APP: variants seen among roughly 807,000 people sequenced by gnomAD.
APP encodes the protein amyloid beta precursor protein.
A neutral mutation model predicts 101.4 loss-of-function variants in APP; 31 were observed. The ratio of observed to expected loss-of-function variants is 0.31; its 90% CI spans 0.23 to 0.41. The LOEUF (loss-of-function observed/expected upper bound fraction) is 0.41, where lower values mean the gene tolerates loss of function less well. APP is among the 10% of genes least tolerant of loss of function. APP has a pLI of 1.00. For synonymous variants in APP, 366 were observed against 364.4 expected, an observed-to-expected ratio of 1.00 and a Z score of -0.05; for missense variants, 839 against 1,003.7, an observed-to-expected ratio of 0.84 and a Z score of 2.22.
At chr21:26,149,321 A>G (rs1417407285) in intron 1 of APP, among the ~76,000 whole-genome samples, 1 of 152,246 alleles carries the variant, frequency 6.6e-6, no homozygotes, top group African/African-American at 2.4e-5. Flanking sequence ...TGGGGATAAC[A>G]GTAGGTACCT....
chr21:26,093,507 ATC>A (rs2061871336), intron 2 of APP, among the ~76,000 whole-genome samples: 1 of 152,206 alleles, frequency 6.6e-6, no homozygotes, highest in Non-Finnish European at 1.5e-5. Flanking sequence ...GGAGAAAAGG[ATC>A]TCTTTTTCAT....
At chr21:26,110,511 C>T (rs897569728) in intron 2 of APP, among the ~76,000 whole-genome samples, 1 of 151,920 alleles carries the variant, frequency 6.6e-6, no homozygotes, top group African/African-American at 2.4e-5. Flanking sequence ...TTCCACTATT[C>T]ATCATTTCAC....
At chr21:26,149,327 TACC>T (rs2063215424) in intron 1 of APP, among the ~76,000 whole-genome samples, 1 of 152,198 alleles carries the variant, frequency 6.6e-6, no homozygotes, top group African/African-American at 2.4e-5. Context: ...TAACAGTAGG[TACC>T]TCACAGGCTG....
intron 13 of APP, among the ~76,000 whole-genome samples, chr21:25,932,956 C>T (rs1471417045): frequency 1.3e-5 from 2 of 152,014 alleles, no homozygotes; most frequent in Non-Finnish European, 2.9e-5. Context: ...GCTCCAACAT[C>T]GTTTTTTACA....
At chr21:26,050,700 C>T (rs546186287) in intron 5 of APP, among the ~76,000 whole-genome samples, 2 of 152,186 alleles carry the variant, frequency 1.3e-5, no homozygotes, top group African/African-American at 2.4e-5. Context: ...CAAAACAGAA[C>T]GCCATTATTA....
At chr21:26,054,104 T>C (rs2045942964) in intron 3 of APP, among the ~76,000 whole-genome samples, 1 of 152,212 alleles carries the variant, frequency 6.6e-6, no homozygotes, top group Non-Finnish European at 1.5e-5. Flanking sequence ...TAGCACAGAT[T>C]CTTGCACATA....
chr21:25,966,695 G>A (rs540115584), intron 11 of APP, among the ~76,000 whole-genome samples: 8 of 152,256 alleles, frequency 5.3e-5, no homozygotes, highest in East Asian at 3.9e-4. Flanking sequence ...CTTTTGCAAC[G>A]AAAAGTGATG....
At chr21:26,050,811 G>A (rs1317477723) in intron 5 of APP, among the ~76,000 whole-genome samples, 189 bp downstream of exon 5, 1 of 152,100 alleles carries the variant, frequency 6.6e-6, no homozygotes, top group Non-Finnish European at 1.5e-5. Flanking sequence ...TCTGTGATGG[G>A]TGACTGATAT....
intron 15 of APP, 73 bp from the exon 16 acceptor site, chr21:25,897,746 A>T: frequency 6.0e-6 from 8 of 1,333,750 alleles, no homozygotes; most frequent in Non-Finnish European, 8.6e-6. Context: ...ACTGTAAGAC[A>T]AAGCCTACCC....
At chr21:26,137,605 A>G (rs1345839192) in intron 1 of APP, among the ~76,000 whole-genome samples, 1 of 152,234 alleles carries the variant, frequency 6.6e-6, no homozygotes, top group African/African-American at 2.4e-5. Context: ...AAATGACCAC[A>G]GACGCTAAGA....
chr21:25,963,003 A>T (rs216761), intron 11 of APP, among the ~76,000 whole-genome samples: 85,625 of 151,856 alleles, frequency 0.56, 26,119 homozygotes, highest in African/African-American at 0.8. Flanking sequence ...TTAGTAGAGA[A>T]GGGTTTCACT....
At chr21:25,892,055 A>C (rs2037733959) in intron 16 of APP, among the ~76,000 whole-genome samples, 187 bp from the exon 17 acceptor site, 1 of 151,958 alleles carries the variant, frequency 6.6e-6, no homozygotes, top group African/African-American at 2.4e-5. Flanking sequence ...TTAAAAAAAA[A>C]AAAAAAAAAA....
At position 26,170,628 on chromosome 21, in the gene APP, C is replaced by G. The variant is rs926549205; in HGVS notation, c.-8G>C. The G allele has an allele frequency of 3.5e-5, 53 of 1,533,876 alleles. No homozygotes were observed. Among genetic ancestry groups the G allele is most frequent in the Non-Finnish European group, 4.4e-5 (50 of 1,144,892 alleles). ...TGCCAAACCGGGCAGCATCGCGACC[C>G]TGCGCGGGGCACCGAGTGCGCTGCT... On this transcript the variant is annotated 5_prime_UTR_variant, in exon 1 of 18. Transcript: ENST00000346798.
At chr21:26,133,645 G>T (rs545992284) in intron 1 of APP, among the ~76,000 whole-genome samples, 2 of 152,010 alleles carry the variant, frequency 1.3e-5, no homozygotes, top group Non-Finnish European at 2.9e-5. Flanking sequence ...ACTACAGCAC[G>T]CTTGTAATCC....
Position 25,975,243 on chromosome 21 carries a change from A to T in APP, c.1300-15T>A. ...TCCTGGAAATGCTGCCATCATAAAC[A>T]CATATGTCCATGGGGACTGAATAAG... On this transcript the variant is annotated splice_polypyrimidine_tract_variant and intron_variant, in intron 10 of 17. Coordinates refer to ENST00000346798, the MANE Select transcript of APP (RefSeq NM_000484.4). The T allele has an allele frequency of 6.2e-7, 1 of 1,614,152 alleles. No individual in the cohort carries two copies. Among genetic ancestry groups the T allele is most frequent in the Non-Finnish European group, 8.5e-7 (1 of 1,180,004 alleles).
intron 5 of APP, among the ~76,000 whole-genome samples, chr21:26,026,487 T>C (rs1156601643): frequency 6.6e-6 from 1 of 152,224 alleles, no homozygotes; most frequent in Non-Finnish European, 1.5e-5. Context: ...TAACTAAAGC[T>C]GACCTTGATA....
chr21:26,034,649 AG>A (rs5843202), intron 5 of APP, among the ~76,000 whole-genome samples: 92,118 of 120,688 alleles, frequency 0.76, 35,813 homozygotes, highest in South Asian at 0.88. Context: ...AAAAAAAAAA[AG>A]AAAAAGAAAA....
chr21:25,916,300 G>A lies in APP; in HGVS notation c.1688-4338C>T, dbSNP rs369240158. 1.4e-3 allele frequency among the ~76,000 whole-genome samples: 207 copies of A among 152,190 alleles called. 1 individual carries two copies. Among genetic ancestry groups the A allele is most frequent in the African/African-American group, 4.7e-3 (195 of 41,538 alleles). On this transcript the variant is annotated intron_variant, in intron 13 of 17. Transcript: ENST00000346798. ...GAGGCGGGAGCCACTGCGCCTGGCC[G>A]TCAGTGTAGTTTTAAGAGAAAAAAA...
intron 1 of APP, among the ~76,000 whole-genome samples, chr21:26,118,691 T>C (rs917989779): frequency 4.6e-5 from 7 of 152,186 alleles, no homozygotes; most frequent in Non-Finnish European, 8.8e-5. Context: ...TAGCTGGGAC[T>C]ACAGGCGTGC....
Sources: allele counts gnomAD v4.1 joint callset (sites outside exome capture counted in the v4.1 genomes callset), GRCh38; gene constraint gnomAD v4.1.1; transcripts MANE v1.5; gene names NCBI Gene and HGNC (gene_info 2026-07-23, HGNC 2026-07-21).